ZBTB20: variants seen among roughly 807,000 people sequenced by gnomAD.
ZBTB20 encodes the protein zinc finger and BTB domain-containing protein 20.
A neutral mutation model predicts 56.9 loss-of-function variants in ZBTB20; 9 were observed. The observed-to-expected ratio is 0.16, with a 90% CI of 0.10 to 0.28. ZBTB20 has a LOEUF of 0.28. ZBTB20 is among the 10% of genes least tolerant of loss of function. ZBTB20 has a pLI of 1.00. For synonymous variants in ZBTB20, 417 were observed against 420.7 expected, an observed-to-expected ratio of 0.99 and a Z score of 0.11; for missense variants, 655 against 1,003.0, an observed-to-expected ratio of 0.65 and a Z score of 4.69.
chr3:114,724,993 G>A (rs1157063669), intron 5 of ZBTB20, among the ~76,000 whole-genome samples: 1 of 152,126 alleles, frequency 6.6e-6, no homozygotes, highest in Non-Finnish European at 1.5e-5. Flanking sequence ...CAGAGATTCT[G>A]ATTCAGTTTG....
chr3:114,332,342 A>ATAT lies in ZBTB20; in HGVS notation c.*6660_*6662dup, dbSNP rs1205809852. The ATAT allele has an allele frequency of 6.6e-6, 1 of 152,216 alleles. No individual in the cohort carries two copies. Among genetic ancestry groups the ATAT allele is most frequent in the South Asian group, 2.1e-4 (1 of 4,832 alleles). 9.4% of individuals were successfully genotyped at this position (152,216 alleles called of 1,614,324 possible). A position where few individuals can be genotyped will look rare whatever the true frequency, so the allele number is the denominator to read the frequency against. On this transcript the variant is annotated 3_prime_UTR_variant, in exon 12 of 12. Transcript: ENST00000675478. ...AAAACTGAGGAAAAAAAGTTTAGAG[A>ATAT]TATACACTGTATAGAGAAAGAAAGC... is the stretch of plus-strand genomic sequence containing the variant.
intron 4 of ZBTB20, among the ~76,000 whole-genome samples, chr3:114,867,882 T>C (rs891543656): frequency 3.9e-5 from 6 of 152,208 alleles, no homozygotes; most frequent in African/African-American, 7.2e-5. Flanking sequence ...ATATGCGAGT[T>C]ACATTAATAT....
chr3:114,350,382 G>A lies in ZBTB20; in HGVS notation c.1696C>T (p.His566Tyr). The change falls in exon 11 of 12, where the codon CAC becomes TAC. Residue 566 changes from histidine (H) to tyrosine (Y), a missense_variant. Physicochemically the swap from His to Tyr is moderately conservative, Grantham distance 83. This residue lies in a region of ZBTB20 where 71 missense variants were observed against 89.4 expected (regional missense o/e 0.79). Transcript: ENST00000675478. The part of the protein sequence containing the change: ...APQPLASSAG[H>Y]STASGQGEKK... ...TCGCCTTGCCCACTGGCTGTGCTGT[G>A]GCCTGCGGATGAGGCCAGGGGCTGT... 2 of 1,614,194 alleles carry A rather than the reference G, an allele frequency of 1.2e-6. No individual in the cohort carries two copies. The highest frequency in any genetic ancestry group is 1.7e-6 in the Non-Finnish European group (2 of 1,180,046).
At chr3:114,971,108 A>T (rs752022326) in intron 3 of ZBTB20, among the ~76,000 whole-genome samples, 4 of 152,140 alleles carry the variant, frequency 2.6e-5, no homozygotes, top group Non-Finnish European at 5.9e-5. Flanking sequence ...CTGGGAATTT[A>T]TATATTTTAA....
chr3:114,917,254 G>T (rs1410492392), intron 3 of ZBTB20, among the ~76,000 whole-genome samples: 2 of 152,116 alleles, frequency 1.3e-5, no homozygotes, highest in African/African-American at 4.8e-5. Flanking sequence ...AAATTTGTCT[G>T]ATAGGATTCT....
chr3:114,946,010 T>C (rs2076875299), intron 3 of ZBTB20, among the ~76,000 whole-genome samples: 1 of 145,544 alleles, frequency 6.9e-6, no homozygotes, highest in Non-Finnish European at 1.5e-5. Flanking sequence ...AACATAAGCT[T>C]AAAATGTACA....
At chr3:115,113,576 G>A (rs1028926988) in intron 1 of ZBTB20, among the ~76,000 whole-genome samples, 10 of 152,226 alleles carry the variant, frequency 6.6e-5, no homozygotes, top group African/African-American at 2.4e-4. Context: ...TGCAAGTGCA[G>A]AACAATGCAA....
chr3:114,669,323 C>T (rs955302481), intron 6 of ZBTB20, among the ~76,000 whole-genome samples: 6 of 152,016 alleles, frequency 3.9e-5, no homozygotes, highest in African/African-American at 1.4e-4. Flanking sequence ...CACATCAACA[C>T]GTAAGACACT....
chr3:115,134,316 A>G (rs1521564), intron 1 of ZBTB20, among the ~76,000 whole-genome samples: 8,758 of 152,206 alleles, frequency 0.058, 354 homozygotes, highest in Admixed American at 0.15. Flanking sequence ...TTAAAATTTG[A>G]TATATGTTAG....
chr3:115,046,546 T>G (rs2081340627), intron 2 of ZBTB20, among the ~76,000 whole-genome samples: 1 of 152,180 alleles, frequency 6.6e-6, no homozygotes, highest in Non-Finnish European at 1.5e-5. Flanking sequence ...TTGTTGACCT[T>G]AAATTAATAG....
chr3:114,409,477 C>T (rs1334163170), intron 7 of ZBTB20, among the ~76,000 whole-genome samples: 1 of 151,702 alleles, frequency 6.6e-6, no homozygotes, highest in South Asian at 2.1e-4. Context: ...GCTGAAGGCA[C>T]TACAGCAGGA....
At chr3:114,411,603 G>A (rs1007406209) in intron 7 of ZBTB20, among the ~76,000 whole-genome samples, 3 of 152,094 alleles carry the variant, frequency 2.0e-5, no homozygotes, top group African/African-American at 7.2e-5. Flanking sequence ...CGCTCTGCAT[G>A]CTGGTGAAAG....
At chr3:114,540,266 A>G (rs2048968860) in intron 6 of ZBTB20, among the ~76,000 whole-genome samples, 1 of 152,134 alleles carries the variant, frequency 6.6e-6, no homozygotes, top group Non-Finnish European at 1.5e-5. Flanking sequence ...AATATTATCA[A>G]CACCTCTGTG....
chr3:114,639,017 T>C (rs1005692567), intron 6 of ZBTB20, among the ~76,000 whole-genome samples: 5 of 152,102 alleles, frequency 3.3e-5, no homozygotes, highest in African/African-American at 9.7e-5. Flanking sequence ...TTAGGTTGTA[T>C]GACTGTGATT....
chr3:114,462,630 A>G (rs1174486853), intron 7 of ZBTB20, among the ~76,000 whole-genome samples: 1 of 152,212 alleles, frequency 6.6e-6, no homozygotes, highest in Non-Finnish European at 1.5e-5. Context: ...GAAAATATGT[A>G]TATCCTGGTA....
intron 4 of ZBTB20, among the ~76,000 whole-genome samples, chr3:114,839,014 C>T (rs772201814): frequency 6.6e-6 from 1 of 152,148 alleles, no homozygotes; most frequent in Non-Finnish European, 1.5e-5. Context: ...TACAGTGTCA[C>T]TCACTCTTTT....
At chr3:114,478,503 C>G (rs974090865) in intron 7 of ZBTB20, among the ~76,000 whole-genome samples, 14 of 152,166 alleles carry the variant, frequency 9.2e-5, no homozygotes, top group Non-Finnish European at 1.9e-4. Context: ...TCTGGAAAAA[C>G]TAATAGCTAT....
At position 114,449,026 on chromosome 3, in the gene ZBTB20, A is replaced by G. The variant is rs75253269; in HGVS notation, c.-255+51326T>C. ...CAAAGAAATTCAAACTTTGAGCATT[A>G]TTTTAAATTGGGTATTTAAAATATC... is the stretch of plus-strand genomic sequence containing the variant. On this transcript the variant is annotated intron_variant, in intron 7 of 11. Transcript: ENST00000675478. Among the ~76,000 whole-genome samples, 343 of 152,250 alleles carry G rather than the reference A, an allele frequency of 2.3e-3. 13 individuals are homozygous for G. In the East Asian group the frequency reaches 0.053, roughly 24 times the overall value.
At chr3:114,389,514 A>G (rs2108617970) in intron 7 of ZBTB20, among the ~76,000 whole-genome samples, 1 of 151,710 alleles carries the variant, frequency 6.6e-6, no homozygotes, top group African/African-American at 2.4e-5. Flanking sequence ...TTATTCACAC[A>G]TAAAAATTGT....
Sources: gnomAD v4.1 joint callset for allele counts (sites outside exome capture counted in the v4.1 genomes callset) on GRCh38, gnomAD v4.1.1 for gene constraint, gnomAD v4.1.1 regional missense constraint, MANE v1.5 for transcripts, NCBI Gene and HGNC (gene_info 2026-07-23, HGNC 2026-07-21) for gene names.